Variants in POLR1D observed in about 807,000 individuals in gnomAD.
The protein encoded by POLR1D is DNA-directed RNA polymerases I and III subunit RPAC2.
POLR1D carries 8 observed loss-of-function variants against 10.8 expected under a neutral mutation model. The observed-to-expected ratio is 0.74, with a 90% CI of 0.43 to 1.33. POLR1D has a LOEUF of 1.33. POLR1D is among the 40% of genes most tolerant of loss of function. The pLI is 0.01. For missense variants in POLR1D, 152 were observed against 161.7 expected, an observed-to-expected ratio of 0.94 and a Z score of 0.32; for synonymous variants, 54 against 57.2, an observed-to-expected ratio of 0.94 and a Z score of 0.25.
chr13:27,621,993 G>T lies in POLR1D; in HGVS notation c.10G>T (p.Asp4Tyr). The T allele has an allele frequency of 6.3e-7, 1 of 1,592,634 alleles. No homozygotes were observed. The change falls in exon 1 of 2, where the codon GAT becomes TAT. Residue 4 changes from aspartate to tyrosine, a missense_variant. Coordinates refer to ENST00000302979, the MANE Select transcript of POLR1D (RefSeq NM_015972.4). MEE[D>Y]QELERKISGL... ...AGAAACCGCCCCAGCGATGGAAGAG[G>T]ATCAGGAGCTGGAGAGGTAACGGCC...
exon 3 of POLR1D, chr13:27,665,880 G>T (rs1355653048): frequency 6.2e-7 from 1 of 1,614,144 alleles, no homozygotes; most frequent in Admixed American, 1.7e-5. Flanking sequence ...CGCGCTCGAG[G>T]TTCCGCCAGT....
Position 27,632,776 on chromosome 13 carries a change from G to T in POLR1D, c.26+10767G>T, listed in dbSNP as rs148608270. On this transcript the variant is annotated intron_variant, in intron 1 of 2. Coordinates refer to the POLR1D transcript ENST00000399697. ...CCTCTACCCCTCAAACACACACACT[G>T]TAACATAAGCTCTGTGAGAGCAGAG... Among the ~76,000 whole-genome samples the T allele has an allele frequency of 4.7e-4, 72 of 151,888 alleles. No homozygotes were observed. The East Asian group carries it at 0.013, about 27-fold the overall frequency.
At chr13:27,662,667 G>A (rs148501804) in intron 2 of POLR1D, among the ~76,000 whole-genome samples, 10 of 152,266 alleles carry the variant, frequency 6.6e-5, no homozygotes, top group African/African-American at 2.2e-4. Flanking sequence ...ACTTTATAAG[G>A]TAGATACGTC....
intron 1 of POLR1D, among the ~76,000 whole-genome samples, chr13:27,635,729 T>TAC (rs1275030476): frequency 1.7e-5 from 2 of 119,818 alleles, no homozygotes; most frequent in Non-Finnish European, 3.7e-5. Context: ...TATATATACA[T>TAC]ACACACATAT....
chr13:27,620,798 C>T (rs534322007), upstream of POLR1D: 1 of 153,664 alleles, frequency 6.5e-6, no homozygotes, highest in African/African-American at 2.4e-5. Context: ...CCGCCGCCCG[C>T]CTGATTCCCC....
chr13:27,633,784 A>G (rs1239636667), intron 1 of POLR1D, among the ~76,000 whole-genome samples: 1 of 152,240 alleles, frequency 6.6e-6, no homozygotes, highest in Non-Finnish European at 1.5e-5. Context: ...CTCATCTAAC[A>G]TTATTTCAGA....
downstream of POLR1D, among the ~76,000 whole-genome samples, chr13:27,627,299 T>C (rs1287918958): frequency 2.6e-5 from 4 of 151,526 alleles, no homozygotes; most frequent in Admixed American, 2.0e-4. Flanking sequence ...TTTTTTCTCA[T>C]GATGAAATTC....
intron 2 of POLR1D, among the ~76,000 whole-genome samples, chr13:27,648,687 C>T (rs1956242217): frequency 6.6e-6 from 1 of 152,068 alleles, no homozygotes; most frequent in African/African-American, 2.4e-5. Context: ...GTTCATTGTC[C>T]CTTTAGTTCA....
At chr13:27,655,815 C>G (rs1956303165) in intron 2 of POLR1D, among the ~76,000 whole-genome samples, 2 of 142,674 alleles carry the variant, frequency 1.4e-5, no homozygotes, top group Non-Finnish European at 3.3e-5. Context: ...AATAGAGAAT[C>G]AAGAATAGAG....
intron 1 of POLR1D, among the ~76,000 whole-genome samples, chr13:27,629,743 T>G (rs1036771426): frequency 1.3e-5 from 2 of 152,162 alleles, no homozygotes; most frequent in African/African-American, 4.8e-5. Flanking sequence ...GATGGAACAT[T>G]CGTAATCATC....
chr13:27,648,387 T>C, exon 2 of POLR1D: 1 of 1,605,146 alleles, frequency 6.2e-7, no homozygotes, highest in Non-Finnish European at 8.5e-7. Context: ...AGGAAAGCAA[T>C]AGAAGAACTG....
chr13:27,659,382 G>A (rs540527442), intron 2 of POLR1D, among the ~76,000 whole-genome samples: 2 of 152,268 alleles, frequency 1.3e-5, no homozygotes, highest in South Asian at 2.1e-4. Flanking sequence ...CATCTCAGAC[G>A]ATTCGTGGAG....
At chr13:27,624,761 G>A (rs764576964), downstream of POLR1D, among the ~76,000 whole-genome samples, 10 of 152,124 alleles carry the variant, frequency 6.6e-5, no homozygotes, top group Admixed American at 1.3e-4. Flanking sequence ...GGTGACACAT[G>A]CCTGTAGTCC....
At chr13:27,645,938 G>C (rs546953783) in intron 1 of POLR1D, among the ~76,000 whole-genome samples, 8 of 152,324 alleles carry the variant, frequency 5.3e-5, no homozygotes, top group Admixed American at 2.0e-4. Flanking sequence ...GCTCTTGAAA[G>C]CACCTAGAAT....
At chr13:27,652,459 A>G (rs77593521) in intron 2 of POLR1D, among the ~76,000 whole-genome samples, 10,516 of 152,224 alleles carry the variant, frequency 0.069, 683 homozygotes, top group African/African-American at 0.17. Flanking sequence ...GGCTCCTTCC[A>G]GTTTTCCAAA....
intron 1 of POLR1D, among the ~76,000 whole-genome samples, chr13:27,632,262 C>T (rs760848134): frequency 1.3e-5 from 2 of 152,156 alleles, no homozygotes; most frequent in Non-Finnish European, 2.9e-5. Context: ...ATCTTATCCC[C>T]ACAGAACTCT....
intron 2 of POLR1D, among the ~76,000 whole-genome samples, chr13:27,657,153 A>G (rs1566152355): frequency 6.6e-6 from 1 of 152,194 alleles, no homozygotes; most frequent in African/African-American, 2.4e-5. Flanking sequence ...CTGTTACAGT[A>G]ATATATAACA....
At chr13:27,661,698 A>C (rs1956365623) in intron 2 of POLR1D, among the ~76,000 whole-genome samples, 1 of 152,178 alleles carries the variant, frequency 6.6e-6, no homozygotes, top group Non-Finnish European at 1.5e-5. Context: ...GGGAGGCGGG[A>C]AATGGCAGTA....
chr13:27,621,888 C>T (rs535423507), upstream of POLR1D: 1 of 1,324,516 alleles, frequency 7.5e-7, no homozygotes, highest in South Asian at 1.3e-5. Context: ...TTCCGTCGGT[C>T]GGTCCTTGCT....
Sources: gnomAD v4.1 joint callset for allele counts (sites outside exome capture counted in the v4.1 genomes callset) on GRCh38, gnomAD v4.1.1 for gene constraint, MANE v1.5 for transcripts, NCBI Gene and HGNC (gene_info 2026-07-23, HGNC 2026-07-21) for gene names.